WDR72: variants seen among roughly 807,000 people sequenced by gnomAD.
The protein encoded by WDR72 is WD repeat domain 72.
WDR72 carries 120 observed loss-of-function variants against 124.2 expected under a neutral mutation model. The observed-to-expected ratio is 0.97, with a 90% confidence interval of 0.83 to 1.12. WDR72 has a LOEUF of 1.12. Among genes scored for constraint, WDR72 ranks in the 50% most tolerant of loss-of-function variants. The pLI is 0.00. For synonymous variants in WDR72, 452 were observed against 441.7 expected, an observed-to-expected ratio of 1.02 and a Z score of -0.29; for missense variants, 1,387 against 1,278.8, an observed-to-expected ratio of 1.08 and a Z score of -1.29.
chr15:53,625,798 CAA>C (rs5812699), intron 14 of WDR72, among the ~76,000 whole-genome samples: 4 of 139,510 alleles, frequency 2.9e-5, no homozygotes, highest in Non-Finnish European at 4.8e-5. Flanking sequence ...ACTGTTCAGA[CAA>C]AAAAAAAAAA....
intron 14 of WDR72, among the ~76,000 whole-genome samples, chr15:53,638,549 T>C (rs932326858): frequency 1.3e-5 from 2 of 151,286 alleles, no homozygotes; most frequent in Non-Finnish European, 2.9e-5. Context: ...AGATTTGTAA[T>C]CAAGATTTTA....
intron 14 of WDR72, among the ~76,000 whole-genome samples, chr15:53,634,453 G>A (rs537371782): frequency 7.2e-5 from 11 of 152,216 alleles, no homozygotes; most frequent in Admixed American, 1.3e-4. Context: ...ATTGTCTTGG[G>A]CCACACATAA....
At chr15:53,662,381 C>T (rs1217467076) in intron 14 of WDR72, among the ~76,000 whole-genome samples, 1 of 152,110 alleles carries the variant, frequency 6.6e-6, no homozygotes, top group Non-Finnish European at 1.5e-5. Flanking sequence ...TCTATATGCA[C>T]TTGCTTCAAA....
chr15:53,639,225 A>G (rs1352885087), intron 14 of WDR72, among the ~76,000 whole-genome samples: 1 of 152,048 alleles, frequency 6.6e-6, no homozygotes, highest in Non-Finnish European at 1.5e-5. Context: ...TCTACTCATC[A>G]AAAGTATCTC....
intron 18 of WDR72, among the ~76,000 whole-genome samples, chr15:53,527,389 A>G (rs1304010541): frequency 6.6e-6 from 1 of 152,014 alleles, no homozygotes. Context: ...CTCCCCCCAG[A>G]AACATTTCCA....
intron 13 of WDR72, 70 bp downstream of exon 13, chr15:53,699,680 C>A: frequency 6.4e-7 from 1 of 1,555,320 alleles, no homozygotes. Context: ...TTCTCTGAAA[C>A]TTTCCATCTG....
intron 14 of WDR72, among the ~76,000 whole-genome samples, chr15:53,642,101 GT>G (rs1212855082): frequency 2.0e-5 from 3 of 151,786 alleles, no homozygotes; most frequent in Non-Finnish European, 2.9e-5. Flanking sequence ...AAGTTAAATG[GT>G]TTTTCTAGGT....
intron 18 of WDR72, among the ~76,000 whole-genome samples, chr15:53,585,058 T>A (rs894718269): frequency 6.6e-6 from 1 of 151,954 alleles, no homozygotes; most frequent in Non-Finnish European, 1.5e-5. Context: ...AGTGCCTACA[T>A]CCCCCACTTC....
intron 14 of WDR72, among the ~76,000 whole-genome samples, chr15:53,628,803 A>G (rs1361305638): frequency 6.6e-6 from 1 of 152,124 alleles, no homozygotes; most frequent in Non-Finnish European, 1.5e-5. Flanking sequence ...CATACCAACA[A>G]TAGATTTTTT....
chr15:53,743,759 A>G (rs1414059589), intron 1 of WDR72, among the ~76,000 whole-genome samples: 1 of 151,722 alleles, frequency 6.6e-6, no homozygotes, highest in Non-Finnish European at 1.5e-5. Flanking sequence ...GGTGGATCAC[A>G]AGGTCAGGAG....
chr15:53,642,286 T>A (rs987002850), intron 14 of WDR72, among the ~76,000 whole-genome samples: 2 of 152,038 alleles, frequency 1.3e-5, no homozygotes, highest in African/African-American at 4.8e-5. Context: ...TAAAATAGTA[T>A]GTATCAGAAG....
chr15:53,709,182 C>T (rs922169378), intron 9 of WDR72, among the ~76,000 whole-genome samples: 1 of 152,206 alleles, frequency 6.6e-6, no homozygotes, highest in African/African-American at 2.4e-5. Flanking sequence ...AGGACTCTTA[C>T]ATTTAGTGAA....
Position 53,523,303 on chromosome 15 carries a change from C to T in WDR72, c.3168G>A (p.Lys1056=), listed in dbSNP as rs1891904478. The T allele has an allele frequency of 1.9e-6, 3 of 1,612,376 alleles. No homozygotes were observed. The African/African-American group carries it at 4.0e-5, about 22-fold the overall frequency. Residue 1056 remains lysine, a synonymous_variant, in exon 19 of 20, where the codon AAG becomes AAA. Transcript: ENST00000360509. ...LPLQTPVSPV[K]HDSNSNSANF... ...TTGCCGAGTTTGAGTTGCTGTCATG[C>T]TTGACCGGGCTGACTGGAGCTATTA... is the stretch of plus-strand genomic sequence containing the variant.
At chr15:53,634,050 A>C (rs566107746) in intron 14 of WDR72, among the ~76,000 whole-genome samples, 2 of 152,354 alleles carry the variant, frequency 1.3e-5, no homozygotes, top group East Asian at 1.9e-4. Context: ...ATCAGTAATA[A>C]AAAGTTAAGT....
At chr15:53,693,160 A>G (rs1287290445) in intron 13 of WDR72, among the ~76,000 whole-genome samples, 2 of 152,184 alleles carry the variant, frequency 1.3e-5, no homozygotes, top group African/African-American at 2.4e-5. Flanking sequence ...ACCAAGCAAT[A>G]TTGTTTCTGA....
At chr15:53,669,570 A>G (rs1326133196) in intron 13 of WDR72, among the ~76,000 whole-genome samples, 2 of 151,958 alleles carry the variant, frequency 1.3e-5, no homozygotes, top group Non-Finnish European at 2.9e-5. Flanking sequence ...TTACTGCATC[A>G]TTTTTTTTCC....
chr15:53,630,184 C>CTA (rs2014371030), intron 14 of WDR72, among the ~76,000 whole-genome samples: 1 of 152,060 alleles, frequency 6.6e-6, no homozygotes, highest in Non-Finnish European at 1.5e-5. Flanking sequence ...TGGAACAGAC[C>CTA]TATACCAAGT....
intron 18 of WDR72, among the ~76,000 whole-genome samples, chr15:53,553,795 A>G (rs144986377): frequency 7.2e-4 from 110 of 152,324 alleles, no homozygotes; most frequent in African/African-American, 2.6e-3. Context: ...TATTTGTGAC[A>G]TAGTAATTAG....
intron 14 of WDR72, among the ~76,000 whole-genome samples, chr15:53,643,909 A>C (rs1208727489): frequency 5.3e-5 from 8 of 152,300 alleles, no homozygotes; most frequent in South Asian, 2.1e-4. Context: ...CAAAATGTAC[A>C]AAAGACTATT....
Sources: allele counts gnomAD v4.1 joint callset (sites outside exome capture counted in the v4.1 genomes callset), GRCh38; gene constraint gnomAD v4.1.1; transcripts MANE v1.5; gene names NCBI Gene and HGNC (gene_info 2026-07-23, HGNC 2026-07-21).